CYP4F2: variants seen among roughly 807,000 people sequenced by gnomAD.
CYP4F2 encodes cytochrome P450 4F2.
A neutral mutation model predicts 58.9 loss-of-function variants in CYP4F2; 58 were observed. That is an observed-to-expected ratio of 0.98 (90% CI 0.80 to 1.23). The LOEUF (loss-of-function observed/expected upper bound fraction) is 1.23. Ranked by LOEUF, CYP4F2 falls within the 50% of genes most tolerant of loss-of-function variation. CYP4F2 has a pLI of 0.00. For synonymous variants in CYP4F2, 287 were observed against 261.1 expected (o/e 1.10, Z -0.95); for missense variants, 616 against 685.6 (o/e 0.90, Z 1.13).
intron 9 of CYP4F2, 127 bp downstream of exon 9, chr19:15,885,797 C>T (rs2089374107): frequency 1.4e-6 from 2 of 1,420,650 alleles, no homozygotes; most frequent in Non-Finnish European, 1.9e-6. Flanking sequence ...TGCCTGTGGT[C>T]CTCTGCTCCT....
chr19:15,880,197 A>G (rs1041714074), intron 9 of CYP4F2, among the ~76,000 whole-genome samples: 1 of 152,198 alleles, frequency 6.6e-6, no homozygotes, highest in Non-Finnish European at 1.5e-5. Flanking sequence ...TACAGTTGTA[A>G]AAGAAAAAAG....
intron 1 of CYP4F2, 73 bp downstream of exon 1, chr19:15,897,953 G>T (rs571988913): frequency 3.4e-5 from 10 of 293,076 alleles, no homozygotes; most frequent in Non-Finnish European, 6.5e-5. Context: ...CAGGAGCTGC[G>T]TGGGCCTTGG....
chr19:15,883,773 T>TGTGGCGGCCGGGTGCG (rs2089358931), intron 9 of CYP4F2, among the ~76,000 whole-genome samples: 1 of 151,994 alleles, frequency 6.6e-6, no homozygotes, highest in African/African-American at 2.4e-5. Context: ...ATAAAGAAAA[T>TGTGGCGGCCGGGTGCG]GTGGCGGCCG....
intron 9 of CYP4F2, among the ~76,000 whole-genome samples, chr19:15,881,014 C>A (rs1421448700): frequency 6.6e-6 from 1 of 151,876 alleles, no homozygotes; most frequent in Non-Finnish European, 1.5e-5. Flanking sequence ...ACTGTGCACA[C>A]ATGCTGACTG....
rs755081765 is a variant in CYP4F2, at chr19:15,889,666, G to T, written c.675C>A (p.Ile225=). The T allele has an allele frequency of 2.3e-5, 37 of 1,613,980 alleles. No homozygotes were observed. In the South Asian group the frequency reaches 3.5e-4, roughly 15 times the overall value. ...TTGATACAAGGGCACTGAGCTCCAA[G>T]ATGGCGGCAATATATTCACTGGGTT... ...QEKPSEYIAA[I]LELSALVSKR... The change falls in exon 7 of 13, where the codon ATC becomes ATA. Residue 225 remains isoleucine, a synonymous_variant. Transcript: ENST00000221700.
intron 7 of CYP4F2, 25 bp from the exon 8 acceptor site, chr19:15,886,333 C>A (rs771072892): frequency 1.9e-6 from 3 of 1,602,022 alleles, no homozygotes; most frequent in East Asian, 2.2e-5. Flanking sequence ...GTAACCCCCC[C>A]CAACCCCCAC....
At chr19:15,892,841 T>C (rs4646500) in intron 3 of CYP4F2, among the ~76,000 whole-genome samples, 29,814 of 152,064 alleles carry the variant, frequency 0.2, 3,290 homozygotes, top group African/African-American at 0.29. Flanking sequence ...TGCCTTGACA[T>C]GCCTCCTACA....
chr19:15,895,357 G>C (rs566556177), intron 3 of CYP4F2, 149 bp downstream of exon 3: 2 of 1,134,378 alleles, frequency 1.8e-6, no homozygotes, highest in Non-Finnish European at 2.4e-6. Flanking sequence ...CGCTGAGATG[G>C]AAATTGATGA....
chr19:15,892,867 C>T (rs1026194655), intron 3 of CYP4F2, among the ~76,000 whole-genome samples: 2 of 152,146 alleles, frequency 1.3e-5, no homozygotes, highest in East Asian at 1.9e-4. Flanking sequence ...CAACATGTTC[C>T]GCAACCCCTG....
chr19:15,890,929 CGT>C (rs1357887208), intron 5 of CYP4F2, among the ~76,000 whole-genome samples: 1 of 152,162 alleles, frequency 6.6e-6, no homozygotes, highest in Non-Finnish European at 1.5e-5. Context: ...AATACATACT[CGT>C]ATCATGGAAT....
intron 3 of CYP4F2, among the ~76,000 whole-genome samples, chr19:15,895,058 G>A (rs956619970): frequency 1.3e-5 from 2 of 152,154 alleles, no homozygotes; most frequent in Non-Finnish European, 2.9e-5. Flanking sequence ...GCCTCACCCT[G>A]CACTCTCCTT....
intron 2 of CYP4F2, 64 bp downstream of exon 2, chr19:15,897,350 G>A: frequency 1.4e-5 from 13 of 945,344 alleles, no homozygotes; most frequent in East Asian, 3.8e-5. Context: ...CACTCCCTAA[G>A]CCTCGTACCC....
intron 9 of CYP4F2, among the ~76,000 whole-genome samples, chr19:15,881,048 G>T (rs185506401): frequency 1.3e-5 from 2 of 152,254 alleles, no homozygotes; most frequent in African/African-American, 4.8e-5. Context: ...TTTAGCAAAA[G>T]GTTGGAAACA....
intron 5 of CYP4F2, 115 bp downstream of exon 5, chr19:15,892,194 G>A: frequency 6.6e-7 from 1 of 1,512,978 alleles, no homozygotes; most frequent in Non-Finnish European, 8.9e-7. Flanking sequence ...CCAAGGCTCA[G>A]TGAGAAAGAG....
Position 15,889,706 on chromosome 19 carries a change from G to C in CYP4F2, c.648-13C>G. 1 of 1,611,418 alleles carries C rather than the reference G, an allele frequency of 6.2e-7. No individual in the cohort carries two copies. Among genetic ancestry groups the C allele is most frequent in the Non-Finnish European group, 8.5e-7 (1 of 1,177,958 alleles). On this transcript the variant is annotated splice_polypyrimidine_tract_variant and intron_variant, in intron 6 of 12. Transcript: ENST00000221700. The stretch of plus-strand genomic sequence containing the variant: ...TTCACTGGGTTTCCTGCAGGATAAG[G>C]GCAGAAAGGGAGGCAACAATTTAAT...
In CYP4F2 at chr19:15,895,642, G is replaced by C; in HGVS notation, c.207C>G (p.Pro69=). 6.3e-7 allele frequency: 1 copy of C among 1,596,466 alleles called. No homozygotes were observed. The highest frequency in any genetic ancestry group is 8.5e-7 in the Non-Finnish European group (1 of 1,172,828). ...TCAGAACTCTCATGCCCTCCTCTGT[G>C]GGGTTGACCTGCAAGCAAGGCAGGG... ...WFWGHQGMVN[P]TEEGMRVLTQ... is the part of the protein sequence containing the mutation. The change falls in exon 3 of 13, where the codon CCC becomes CCG. Residue 69 remains proline (P), a synonymous_variant. Transcript: ENST00000221700.
At chr19:15,892,981 C>A (rs1457471838) in intron 3 of CYP4F2, among the ~76,000 whole-genome samples, 1 of 152,204 alleles carries the variant, frequency 6.6e-6, no homozygotes, top group Non-Finnish European at 1.5e-5. Context: ...TGACATGGAC[C>A]TGGACATGAG....
At chr19:15,882,550 T>C (rs2089352218) in intron 9 of CYP4F2, among the ~76,000 whole-genome samples, 2 of 122,080 alleles carry the variant, frequency 1.6e-5, no homozygotes, top group African/African-American at 6.4e-5. Context: ...TATACATACA[T>C]CATAACATCA....
rs1217764526 is a variant in CYP4F2, at chr19:15,892,513, A to G, written c.397+16T>C. On this transcript the variant is annotated intron_variant, in intron 4 of 12. Coordinates refer to ENST00000221700, the MANE Select transcript of CYP4F2 (RefSeq NM_001082.5). ...CCCAACGTTTTTCCCAACCCTGTTC[A>G]CCTGCAGATACTCACCCAGCCAGGG... The G allele has an allele frequency of 6.2e-7, 1 of 1,613,984 alleles. No homozygotes were observed. The highest frequency in any genetic ancestry group is 2.2e-5 in the East Asian group (1 of 44,866).
Sources: gnomAD v4.1 joint callset for allele counts (sites outside exome capture counted in the v4.1 genomes callset) on GRCh38, gnomAD v4.1.1 for gene constraint, MANE v1.5 for transcripts, NCBI Gene and HGNC (gene_info 2026-07-23, HGNC 2026-07-21) for gene names.